Variants in MIR2052HG observed in about 807,000 individuals in gnomAD.
MIR2052HG encodes MIR2052 host gene.
intron 2 of MIR2052HG, among the ~76,000 whole-genome samples, chr8:74,691,955 G>A (rs1343569166): frequency 1.3e-5 from 2 of 152,098 alleles, no homozygotes; most frequent in Non-Finnish European, 2.9e-5. Context: ...TGTATGTCTT[G>A]TTGTAGTCTG....
At chr8:74,728,775 A>C (rs993263143) in intron 4 of MIR2052HG, among the ~76,000 whole-genome samples, 19 of 152,202 alleles carry the variant, frequency 1.2e-4, no homozygotes, top group African/African-American at 4.1e-4. Context: ...CACTTTTGCA[A>C]AAAGTCAGAG....
At chr8:74,642,440 C>A (rs1808648904) in intron 2 of MIR2052HG, among the ~76,000 whole-genome samples, 1 of 151,956 alleles carries the variant, frequency 6.6e-6, no homozygotes, top group African/African-American at 2.4e-5. Context: ...GTTGTAGATG[C>A]TAAAGAAGAA....
At chr8:74,726,995 T>C (rs1299949563) in intron 4 of MIR2052HG, among the ~76,000 whole-genome samples, 5 of 152,234 alleles carry the variant, frequency 3.3e-5, no homozygotes, top group African/African-American at 7.2e-5. Flanking sequence ...TTACATCAGC[T>C]TGTTTCTTGG....
intron 2 of MIR2052HG, among the ~76,000 whole-genome samples, chr8:74,692,032 G>A (rs754043476): frequency 6.6e-6 from 1 of 152,084 alleles, no homozygotes; most frequent in Non-Finnish European, 1.5e-5. Context: ...GACCACCATT[G>A]AGCCATGAAT....
At chr8:74,684,245 T>A (rs1809155760) in intron 2 of MIR2052HG, among the ~76,000 whole-genome samples, 1 of 145,978 alleles carries the variant, frequency 6.9e-6, no homozygotes, top group Non-Finnish European at 1.5e-5. Flanking sequence ...TGTGTAGATC[T>A]GCTGGTCTGG....
chr8:74,671,915 G>A (rs1808997373), intron 2 of MIR2052HG, among the ~76,000 whole-genome samples: 1 of 152,062 alleles, frequency 6.6e-6, no homozygotes, highest in African/African-American at 2.4e-5. Context: ...ACATTTGCAG[G>A]TCAACTCAGG....
At chr8:74,632,325 C>T (rs1307918775) in intron 2 of MIR2052HG, 1 of 152,138 alleles carries the variant, frequency 6.6e-6, no homozygotes, top group Non-Finnish European at 1.5e-5. Flanking sequence ...AGGGTGCCAC[C>T]AGCAGGATGT....
At chr8:74,693,318 G>A (rs1809258510) in intron 2 of MIR2052HG, among the ~76,000 whole-genome samples, 1 of 152,156 alleles carries the variant, frequency 6.6e-6, no homozygotes, top group Non-Finnish European at 1.5e-5. Flanking sequence ...GTCTCACAGG[G>A]GTCCTTGGAG....
At chr8:74,695,016 C>T (rs1563533529) in intron 2 of MIR2052HG, among the ~76,000 whole-genome samples, 3 of 152,076 alleles carry the variant, frequency 2.0e-5, no homozygotes, top group Admixed American at 6.6e-5. Context: ...AACCTATGCA[C>T]GTAGTCATCA....
At chr8:74,669,648 T>C (rs1808969325) in intron 2 of MIR2052HG, among the ~76,000 whole-genome samples, 1 of 152,166 alleles carries the variant, frequency 6.6e-6, no homozygotes, top group Admixed American at 6.6e-5. Context: ...GCATGTTGCC[T>C]TTCTCTCTGT....
intron 2 of MIR2052HG, among the ~76,000 whole-genome samples, chr8:74,668,909 A>G (rs776853959): frequency 2.6e-4 from 40 of 152,050 alleles, no homozygotes; most frequent in Non-Finnish European, 4.7e-4. Flanking sequence ...TTAAAGTTCA[A>G]TCTCTCCTCC....
intron 2 of MIR2052HG, among the ~76,000 whole-genome samples, chr8:74,687,496 A>G (rs1809194498): frequency 6.6e-6 from 1 of 152,158 alleles, no homozygotes; most frequent in African/African-American, 2.4e-5. Flanking sequence ...TATACATACA[A>G]TGGAATTATT....
At chr8:74,650,046 T>G (rs1808735893) in intron 2 of MIR2052HG, among the ~76,000 whole-genome samples, 2 of 152,170 alleles carry the variant, frequency 1.3e-5, no homozygotes, top group African/African-American at 4.8e-5. Flanking sequence ...AAGCATTTCT[T>G]CAGTTAAATC....
chr8:74,713,958 G>T (rs1426619542), intron 4 of MIR2052HG, among the ~76,000 whole-genome samples: 1 of 151,920 alleles, frequency 6.6e-6, no homozygotes, highest in Non-Finnish European at 1.5e-5. Flanking sequence ...AAAAGATGGG[G>T]GGAACAGAGT....
intron 4 of MIR2052HG, among the ~76,000 whole-genome samples, chr8:74,718,203 A>G (rs1473442639): frequency 1.3e-5 from 2 of 152,224 alleles, no homozygotes; most frequent in African/African-American, 4.8e-5. Context: ...ATGTGTCAGC[A>G]TGAACTCAAT....
chr8:74,724,888 AT>A (rs1809617659), intron 4 of MIR2052HG, among the ~76,000 whole-genome samples: 1 of 151,730 alleles, frequency 6.6e-6, no homozygotes, highest in South Asian at 2.1e-4. Context: ...TGGCATTTGT[AT>A]TGTCCTGGCC....
intron 4 of MIR2052HG, among the ~76,000 whole-genome samples, chr8:74,714,758 G>A (rs1432133836): frequency 2.1e-5 from 3 of 145,600 alleles, no homozygotes; most frequent in African/African-American, 7.7e-5. Context: ...AGGCTGGAGT[G>A]CAGTGGTGCA....
chr8:74,622,642 A>G (rs1161469295), intron 2 of MIR2052HG, among the ~76,000 whole-genome samples: 4 of 152,090 alleles, frequency 2.6e-5, no homozygotes, highest in Non-Finnish European at 5.9e-5. Flanking sequence ...AAAAGACGAA[A>G]AAAGAAAAAA....
intron 4 of MIR2052HG, among the ~76,000 whole-genome samples, chr8:74,726,150 G>A (rs954097074): frequency 2.6e-5 from 4 of 152,114 alleles, no homozygotes; most frequent in Admixed American, 2.0e-4. Context: ...CCAAAATCGC[G>A]CCATTGCACT....
Sources: gnomAD v4.1 joint callset for allele counts (sites outside exome capture counted in the v4.1 genomes callset) on GRCh38, gnomAD v4.1.1 for gene constraint, MANE v1.5 for transcripts, NCBI Gene and HGNC (gene_info 2026-07-23, HGNC 2026-07-21) for gene names.